STARD9: variants seen among roughly 807,000 people sequenced by gnomAD.
STARD9 encodes the protein stAR-related lipid transfer protein 9.
A neutral mutation model predicts 399.8 loss-of-function variants in STARD9; 346 were observed. The observed-to-expected ratio is 0.87, with a 90% CI of 0.79 to 0.95. STARD9 has a LOEUF of 0.95. Among genes scored for constraint, STARD9 ranks in the 40% least tolerant of loss-of-function variants. The pLI, the probability that STARD9 is intolerant of heterozygous loss-of-function variation, is 0.00. For synonymous variants in STARD9, 2,203 were observed against 2,143.5 expected, an observed-to-expected ratio of 1.03 and a Z score of -0.77; for missense variants, 5,832 against 5,667.5, an observed-to-expected ratio of 1.03 and a Z score of -0.93.
At chr15:42,699,397 T>C (rs796946188) in intron 26 of STARD9, among the ~76,000 whole-genome samples, 60 of 136,362 alleles carry the variant, frequency 4.4e-4, no homozygotes, top group South Asian at 1.1e-3. Flanking sequence ...CTTTTCTTTT[T>C]TTTTTTTTTT....
chr15:42,575,985 C>T (rs1490583413), intron 1 of STARD9, among the ~76,000 whole-genome samples: 4 of 152,194 alleles, frequency 2.6e-5, no homozygotes, highest in Non-Finnish European at 5.9e-5. Flanking sequence ...GGGAGGGCTG[C>T]CCTGGGTGAG....
chr15:42,616,086 T>A (rs2058958195), intron 3 of STARD9, among the ~76,000 whole-genome samples: 1 of 152,192 alleles, frequency 6.6e-6, no homozygotes, highest in Non-Finnish European at 1.5e-5. Flanking sequence ...GTTTGTAATT[T>A]GAAAAACAGC....
chr15:42,589,624 TA>T (rs1229180401), intron 3 of STARD9, among the ~76,000 whole-genome samples: 2 of 151,460 alleles, frequency 1.3e-5, no homozygotes, highest in Non-Finnish European at 2.9e-5. Flanking sequence ...TTTTTTTTTT[TA>T]AATGGAGTTT....
chr15:42,653,901 G>T (rs939889816), intron 9 of STARD9, among the ~76,000 whole-genome samples: 1 of 152,022 alleles, frequency 6.6e-6, no homozygotes, highest in African/African-American at 2.4e-5. Context: ...ATGCATTTTT[G>T]TACATTGTCA....
At chr15:42,577,003 G>C (rs549123870) in intron 1 of STARD9, among the ~76,000 whole-genome samples, 11 of 152,060 alleles carry the variant, frequency 7.2e-5, no homozygotes, top group African/African-American at 2.4e-4. Flanking sequence ...GGGCTGGGGG[G>C]GGTTTTATAA....
At chr15:42,648,445 G>GTC (rs2059689068) in intron 7 of STARD9, among the ~76,000 whole-genome samples, 1 of 152,182 alleles carries the variant, frequency 6.6e-6, no homozygotes, top group Non-Finnish European at 1.5e-5. Flanking sequence ...TTACAGGCAT[G>GTC]AGCCCCCATA....
chr15:42,638,578 A>G (rs1264357931), intron 6 of STARD9, 122 bp from the exon 7 acceptor site: 1 of 617,206 alleles, frequency 1.6e-6, no homozygotes, highest in Non-Finnish European at 2.8e-6. Context: ...TGGCTTGATC[A>G]TTGCCTTAGA....
Position 42,689,349 on chromosome 15 carries a change from G to T in STARD9, c.7771G>T (p.Ala2591Ser), listed in dbSNP as rs1040391523. Residue 2591 changes from alanine to serine, a missense_variant, in exon 23 of 33, where the codon GCT (alanine) becomes TCT (serine). By Grantham distance (99) the Ala-to-Ser change is moderately conservative (BLOSUM62 1). Around this residue, in one of 2 missense-constraint regions of STARD9, gnomAD observed 5,828 missense variants for 5,651.1 expected, o/e 1.03. Transcript: ENST00000290607. The part of the protein sequence containing the change: ...LLEPECSSRV[A>S]GRPQCKQIDQ... ...AGAACCCGAATGTTCTTCAAGGGTT[G>T]CTGGCAGGCCTCAGTGTAAACAAAT... is the stretch of plus-strand genomic sequence containing the variant. 2.0e-6 allele frequency: 3 copies of T among 1,537,198 alleles called. No individual in the cohort carries two copies. In the African/African-American group the frequency reaches 4.1e-5, roughly 21 times the overall value.
intron 18 of STARD9, 150 bp downstream of exon 18, chr15:42,675,114 T>G: frequency 1.1e-6 from 1 of 889,600 alleles, no homozygotes; most frequent in Non-Finnish European, 1.6e-6. Flanking sequence ...TATGATCCTA[T>G]TCCCATAAAC....
In STARD9 at chr15:42,688,889, A is replaced by G. The variant is rs1365579625; in HGVS notation, c.7311A>G (p.Ser2437=). The G allele has an allele frequency of 2.6e-6, 4 of 1,537,350 alleles. No homozygotes were observed. In the African/African-American group the frequency reaches 5.5e-5, roughly 21 times the overall value. The change falls in exon 23 of 33, where the codon TCA becomes TCG. Residue 2437 remains serine (S), a synonymous_variant. Coordinates refer to ENST00000290607, the MANE Select transcript of STARD9 (RefSeq NM_020759.3). The stretch of plus-strand genomic sequence containing the variant: ...CTCTGGGGACAGAGGACAGGATCTC[A>G]GCAAGCACCAGCCCCCAAGACCATG... ...SIPLGTEDRI[S]ASTSPQDHGK... is the part of the protein sequence containing the mutation.
At position 42,688,752 on chromosome 15, in the gene STARD9, C is replaced by T; in HGVS notation, c.7174C>T (p.Pro2392Ser). 1 of 1,537,698 alleles carries T rather than the reference C, an allele frequency of 6.5e-7. No individual in the cohort carries two copies. Among genetic ancestry groups the T allele is most frequent in the South Asian group, 1.2e-5 (1 of 84,052 alleles). Residue 2392 changes from proline to serine, a missense_variant, in exon 23 of 33, where the codon CCC (proline) becomes TCC (serine). This residue lies in a region of STARD9 where 5,828 missense variants were observed against 5,651.1 expected (regional missense o/e 1.03). Transcript: ENST00000290607. ...DQSTETRSHS[P>S]EGNVRGRSSE... ...GAGTACGGAGACCAGAAGCCACAGC[C>T]CCGAAGGAAATGTTAGAGGGCGTTC...
At chr15:42,621,303 CTG>C (rs2059088171) in intron 3 of STARD9, among the ~76,000 whole-genome samples, 1 of 152,066 alleles carries the variant, frequency 6.6e-6, no homozygotes, top group Admixed American at 6.6e-5. Context: ...TTATTTATAT[CTG>C]TGATCCATGG....
At chr15:42,716,885 G>C in intron 27 of STARD9, 42 bp from the exon 28 acceptor site, 1 of 1,536,682 alleles carries the variant, frequency 6.5e-7, no homozygotes, top group Middle Eastern at 1.7e-4. Flanking sequence ...CTGAGGCCCT[G>C]ATGTTCAGTG....
intron 7 of STARD9, among the ~76,000 whole-genome samples, chr15:42,645,796 C>T (rs558584031): frequency 6.6e-6 from 1 of 152,188 alleles, no homozygotes; most frequent in East Asian, 1.9e-4. Flanking sequence ...CCTGCCTTGG[C>T]CTCCCAAAGT....
At chr15:42,629,935 ATGT>A (rs1365174369) in intron 3 of STARD9, 1 of 150,536 alleles carries the variant, frequency 6.6e-6, no homozygotes, top group Non-Finnish European at 1.5e-5. Flanking sequence ...TGATTTGCAT[ATGT>A]TGAGTCATCC....
At position 42,685,506 on chromosome 15, in the gene STARD9, G is replaced by A. The variant is rs976178613; in HGVS notation, c.3928G>A (p.Val1310Ile). ...QPHCEQAESQVEPSYSEQADS... is the reference protein window; with the variant it reads ...QPHCEQAESQIEPSYSEQADS... ...CCATTGTGAGCAGGCTGAATCACAG[G>A]TAGAGCCAAGCTACTCTGAACAAGC... The change falls in exon 23 of 33, where the codon GTA (valine) becomes ATA (isoleucine). Residue 1310 changes from valine (V) to isoleucine (I), a missense_variant. Val to Ile is a conservative substitution (Grantham distance 29). Transcript: ENST00000290607. 1.2e-5 allele frequency: 18 copies of A among 1,537,400 alleles called. No homozygotes were observed. The Admixed American group carries it at 3.1e-4, about 27-fold the overall frequency.
Position 42,686,834 on chromosome 15 carries a change from C to T in STARD9, c.5256C>T (p.Ser1752=). The change falls in exon 23 of 33, where the codon AGC becomes AGT. Residue 1752 remains serine (S), a synonymous_variant. Coordinates refer to ENST00000290607, the MANE Select transcript of STARD9 (RefSeq NM_020759.3). ...TGGAAACATTCTATGTGACCAAAAG[C>T]AGGGATGCCCTGACAGAAACTGCCT... The part of the protein sequence containing the change: ...PLLETFYVTK[S]RDALTETALE... The T allele has an allele frequency of 1.3e-6, 2 of 1,537,106 alleles. No homozygotes were observed. The highest frequency in any genetic ancestry group is 1.7e-6 in the Non-Finnish European group (2 of 1,146,884).
At position 42,690,438 on chromosome 15, in the gene STARD9, C is replaced by A. The variant is rs761974931; in HGVS notation, c.8860C>A (p.Arg2954=). 2.7e-5 allele frequency: 41 copies of A among 1,537,068 alleles called. No homozygotes were observed. The highest frequency in any genetic ancestry group is 3.6e-5 in the Non-Finnish European group (41 of 1,146,904). Residue 2954 remains arginine (R), a synonymous_variant, in exon 23 of 33, where the codon CGA becomes AGA. Transcript: ENST00000290607. ...RGKESRTLPC[R]QPCSSQPVAT... Reference sequence around the variant, plus strand: ...GAAAGAGAGCAGAACTCTTCCTTGCCGACAGCCATGCAGTTCTCAACCTGT... The same window carrying A: ...GAAAGAGAGCAGAACTCTTCCTTGCAGACAGCCATGCAGTTCTCAACCTGT...
chr15:42,657,232 C>T (rs1595717824), intron 9 of STARD9, among the ~76,000 whole-genome samples: 1 of 151,762 alleles, frequency 6.6e-6, no homozygotes, highest in Non-Finnish European at 1.5e-5. Flanking sequence ...TGGTGGTGAG[C>T]GCTTGTAGTC....
Sources: gnomAD v4.1 joint callset for allele counts (sites outside exome capture counted in the v4.1 genomes callset) on GRCh38, gnomAD v4.1.1 for gene constraint, gnomAD v4.1.1 regional missense constraint, MANE v1.5 for transcripts, NCBI Gene and HGNC (gene_info 2026-07-23, HGNC 2026-07-21) for gene names.